Variants in PDE12 observed in about 807,000 individuals in gnomAD.
The protein encoded by PDE12 is 2',5'-phosphodiesterase 12.
PDE12 carries 26 observed loss-of-function variants against 45.4 expected under a neutral mutation model. The observed-to-expected ratio is 0.57, with a 90% CI of 0.42 to 0.79. The LOEUF (loss-of-function observed/expected upper bound fraction) is 0.79, where lower values mean the gene tolerates loss of function less well. Among genes scored for constraint, PDE12 ranks in the 30% least tolerant of loss-of-function variants. The pLI is 0.00. For missense variants in PDE12, 668 were observed against 790.0 expected, an observed-to-expected ratio of 0.85 and a Z score of 1.85; for synonymous variants, 283 against 323.9, an observed-to-expected ratio of 0.87 and a Z score of 1.36.
intron 1 of PDE12, among the ~76,000 whole-genome samples, chr3:57,558,285 G>T (rs1166086091): frequency 6.6e-6 from 1 of 152,124 alleles, no homozygotes; most frequent in Non-Finnish European, 1.5e-5. Context: ...CCATGAGGTG[G>T]ATGGTATTGT....
At chr3:57,599,225 T>G in the PDE12 span, among the ~76,000 whole-genome samples, 1 of 152,090 alleles carries the variant, frequency 6.6e-6, no homozygotes, top group Non-Finnish European at 1.5e-5. Context: ...AAGAGACAAA[T>G]GGTTGCATTC....
At chr3:57,579,803 T>C in the PDE12 span, among the ~76,000 whole-genome samples, 1 of 152,180 alleles carries the variant, frequency 6.6e-6, no homozygotes, top group Non-Finnish European at 1.5e-5. Flanking sequence ...TCACTTTAAA[T>C]ATCCTATCCT....
Position 57,561,770 on chromosome 3 carries a change from G to T in PDE12, c.*1766G>T, listed in dbSNP as rs1404844376. ...AGAATTTCCTCTTTTGATAACATCT[G>T]TACTTTCATATTCTGCTCACTATCA... On this transcript the variant is annotated 3_prime_UTR_variant, in exon 3 of 3. Transcript: ENST00000311180. The T allele has an allele frequency of 1.0e-6, 1 of 983,758 alleles. No homozygotes were observed. The highest frequency in any genetic ancestry group is 1.2e-6 in the Non-Finnish European group (1 of 828,602). The allele number at this position is 983,758 out of a possible 1,614,324, so 60.9% of individuals were successfully genotyped here.
At chr3:57,614,105 A>G in the PDE12 span, among the ~76,000 whole-genome samples, 5 of 152,114 alleles carry the variant, frequency 3.3e-5, no homozygotes, top group Admixed American at 2.0e-4. Flanking sequence ...CCTCTCTTAT[A>G]TATACAACAA....
the PDE12 span, chr3:57,641,815 T>A: frequency 7.4e-7 from 1 of 1,352,814 alleles, no homozygotes; most frequent in South Asian, 1.2e-5. Context: ...CAGTGAAGAA[T>A]AGTTTACTTT....
the PDE12 span, chr3:57,628,941 C>T: frequency 1.3e-6 from 2 of 1,482,860 alleles, no homozygotes; most frequent in Non-Finnish European, 9.2e-7. Flanking sequence ...TCAAACCTCT[C>T]TATTTCAATA....
At chr3:57,619,223 C>A in the PDE12 span, among the ~76,000 whole-genome samples, 1 of 151,998 alleles carries the variant, frequency 6.6e-6, no homozygotes, top group Non-Finnish European at 1.5e-5. Flanking sequence ...TGGCGGGTGC[C>A]TGTAGTCCCA....
At chr3:57,598,315 A>G in the PDE12 span, 1 of 152,138 alleles carries the variant, frequency 6.6e-6, no homozygotes, top group Non-Finnish European at 1.5e-5. Flanking sequence ...GCTTATTCCA[A>G]CTGGTATATT....
At chr3:57,628,856 T>C in the PDE12 span, 4,245 of 1,613,088 alleles carry the variant, frequency 2.6e-3, 87 homozygotes, top group African/African-American at 0.049. Context: ...TTTCTACTTC[T>C]GTGTGTTTCT....
the PDE12 span, among the ~76,000 whole-genome samples, chr3:57,604,275 T>C: frequency 1.3e-5 from 2 of 152,086 alleles, no homozygotes; most frequent in Non-Finnish European, 2.9e-5. Flanking sequence ...CTACAAAACA[T>C]AGAAACGAGA....
the PDE12 span, among the ~76,000 whole-genome samples, chr3:57,614,285 G>A: frequency 7.9e-5 from 12 of 152,018 alleles, no homozygotes; most frequent in South Asian, 6.2e-4. Flanking sequence ...ATCTTAAATC[G>A]GAAAGGATTC....
chr3:57,573,322 C>T, the PDE12 span, among the ~76,000 whole-genome samples: 1 of 152,018 alleles, frequency 6.6e-6, no homozygotes, highest in African/African-American at 2.4e-5. Context: ...TTTTAAATGG[C>T]AACGAATCTT....
chr3:57,569,646 C>T (rs920995249), downstream of PDE12, among the ~76,000 whole-genome samples: 2 of 151,778 alleles, frequency 1.3e-5, no homozygotes, highest in South Asian at 4.2e-4. Context: ...GTGAGCCACC[C>T]CACCCAGCCT....
chr3:57,635,865 A>G, the PDE12 span, among the ~76,000 whole-genome samples: 1 of 152,156 alleles, frequency 6.6e-6, no homozygotes, highest in Non-Finnish European at 1.5e-5. Flanking sequence ...CCCCTGAGTT[A>G]GCAAGACCAT....
the PDE12 span, among the ~76,000 whole-genome samples, chr3:57,637,437 T>C: frequency 6.6e-6 from 1 of 152,210 alleles, no homozygotes; most frequent in African/African-American, 2.4e-5. Flanking sequence ...TGGTAAAGTT[T>C]CAGGACACAG....
chr3:57,615,127 G>C, the PDE12 span, among the ~76,000 whole-genome samples: 1 of 151,726 alleles, frequency 6.6e-6, no homozygotes, highest in African/African-American at 2.4e-5. Flanking sequence ...TGTCCAGGCT[G>C]GTCTCAAACT....
At chr3:57,610,767 T>C in the PDE12 span, among the ~76,000 whole-genome samples, 3 of 152,164 alleles carry the variant, frequency 2.0e-5, no homozygotes, top group African/African-American at 7.2e-5. Context: ...CATTCCATGC[T>C]TATGGATAGG....
rs1363949179 is a variant in PDE12 at position 57,563,116 on chromosome 3, A to G, written c.*3112A>G. On this transcript the variant is annotated 3_prime_UTR_variant, in exon 3 of 3. Coordinates refer to ENST00000311180, the MANE Select transcript of PDE12 (RefSeq NM_177966.7). ...ATCCAATATTTATATATAATGAAAA[A>G]TAAAAGTTTGCATTATTAGTTTATC... 6.6e-6 allele frequency: 1 copy of G among 152,206 alleles called. No homozygotes were observed. The highest frequency in any genetic ancestry group is 1.5e-5 in the Non-Finnish European group (1 of 68,038). The allele number at this position is 152,206 out of a possible 1,614,324, so 9.4% of individuals were successfully genotyped here. A position where few individuals can be genotyped will look rare whatever the true frequency, so the allele number is the denominator to read the frequency against.
the PDE12 span, among the ~76,000 whole-genome samples, chr3:57,609,883 A>T: frequency 6.6e-6 from 1 of 152,202 alleles, no homozygotes; most frequent in Admixed American, 6.5e-5. Flanking sequence ...AACTCATTTT[A>T]TGAGGCCAGC....
Sources: allele counts gnomAD v4.1 joint callset (sites outside exome capture counted in the v4.1 genomes callset), GRCh38; gene constraint gnomAD v4.1.1; transcripts MANE v1.5; gene names NCBI Gene and HGNC (gene_info 2026-07-23, HGNC 2026-07-21).